SVIL: variants seen among roughly 807,000 people sequenced by gnomAD.
SVIL encodes the protein supervillin.
Under a neutral mutation model 240.4 loss-of-function variants are expected in SVIL, and 101 were observed. The ratio of observed to expected loss-of-function variants is 0.42; its 90% CI spans 0.36 to 0.50. SVIL has a LOEUF of 0.50. SVIL is among the 20% of genes least tolerant of loss of function. SVIL has a pLI of 0.01. For synonymous variants in SVIL, 999 were observed against 1,100.0 expected (o/e 0.91, Z 1.82); for missense variants, 2,512 against 2,818.7 (o/e 0.89, Z 2.46).
At chr10:29,483,339 T>C (rs1404138124) in intron 27 of SVIL, 1 of 152,242 alleles carries the variant, frequency 6.6e-6, no homozygotes, top group Non-Finnish European at 1.5e-5. Flanking sequence ...CAGCTGGAAC[T>C]GGGCTCAGTG....
intron 20 of SVIL, among the ~76,000 whole-genome samples, chr10:29,493,903 G>A (rs1948193923): frequency 6.6e-6 from 1 of 152,306 alleles, no homozygotes; most frequent in Non-Finnish European, 1.5e-5. Flanking sequence ...GGCTGGGCAT[G>A]GTGGCTTACG....
intron 29 of SVIL, among the ~76,000 whole-genome samples, chr10:29,476,298 T>C (rs1305370564): frequency 6.6e-6 from 1 of 152,268 alleles, no homozygotes; most frequent in Non-Finnish European, 1.5e-5. Flanking sequence ...TGAAATCTGT[T>C]AGCACTCAAA....
chr10:29,517,017 A>G (rs1950247910), intron 16 of SVIL, among the ~76,000 whole-genome samples: 1 of 152,220 alleles, frequency 6.6e-6, no homozygotes, highest in African/African-American at 2.4e-5. Context: ...AGGGATGAAC[A>G]GCACACTTAA....
chr10:29,620,274 GAAGAGGA>G (rs1005337583), intron 1 of SVIL, among the ~76,000 whole-genome samples: 10 of 151,452 alleles, frequency 6.6e-5, no homozygotes, highest in African/African-American at 2.4e-4. Context: ...AGGAAGAGAT[GAAGAGGA>G]AAGAGGAGAG....
chr10:29,538,282 C>G (rs6481613), intron 6 of SVIL, among the ~76,000 whole-genome samples: 81,936 of 152,038 alleles, frequency 0.54, 23,193 homozygotes, highest in African/African-American at 0.72. Context: ...AGAATGTTGG[C>G]TCAGCATTTA....
At chr10:29,581,130 A>G (rs1379710839) in intron 1 of SVIL, among the ~76,000 whole-genome samples, 1 of 152,246 alleles carries the variant, frequency 6.6e-6, no homozygotes, top group East Asian at 1.9e-4. Flanking sequence ...CAAAGTGAAG[A>G]ACATATTTTC....
At chr10:29,587,246 C>G (rs1271919110) in intron 1 of SVIL, among the ~76,000 whole-genome samples, 2 of 152,210 alleles carry the variant, frequency 1.3e-5, no homozygotes, top group African/African-American at 4.8e-5. Flanking sequence ...CATCACAGAG[C>G]ACTATCATTA....
chr10:29,587,019 T>C (rs1390906542), intron 1 of SVIL, among the ~76,000 whole-genome samples: 1 of 152,196 alleles, frequency 6.6e-6, no homozygotes, highest in African/African-American at 2.4e-5. Context: ...ATAACAAATC[T>C]GCACATGTAC....
chr10:29,655,949 T>C (rs938299607), intron 3 of SVIL, among the ~76,000 whole-genome samples: 1 of 150,002 alleles, frequency 6.7e-6, no homozygotes, highest in Non-Finnish European at 1.5e-5. Flanking sequence ...CTTGGCTCAC[T>C]GCAACCTTAG....
intron 1 of SVIL, among the ~76,000 whole-genome samples, chr10:29,603,549 T>C (rs183196636): frequency 1.2e-4 from 18 of 152,254 alleles, no homozygotes; most frequent in Admixed American, 7.8e-4. Context: ...GGCCAGACAG[T>C]TCATCTAATT....
intron 3 of SVIL, among the ~76,000 whole-genome samples, chr10:29,562,331 C>T (rs555714777): frequency 7.9e-5 from 12 of 152,324 alleles, no homozygotes; most frequent in African/African-American, 2.9e-4. Context: ...GACATTTTAC[C>T]GCATGTGCGC....
At chr10:29,677,979 G>A (rs1393450549) in intron 2 of SVIL, among the ~76,000 whole-genome samples, 1 of 152,100 alleles carries the variant, frequency 6.6e-6, no homozygotes, top group African/African-American at 2.4e-5. Context: ...TGTCTAAAAT[G>A]GGCAAATATC....
At chr10:29,537,421 C>A (rs945469014) in intron 6 of SVIL, among the ~76,000 whole-genome samples, 1 of 152,110 alleles carries the variant, frequency 6.6e-6, no homozygotes, top group African/African-American at 2.4e-5. Flanking sequence ...AGAATATGAA[C>A]GAGTAATTAT....
intron 1 of SVIL, among the ~76,000 whole-genome samples, chr10:29,697,173 G>A (rs1589534010): frequency 3.6e-5 from 3 of 82,318 alleles, no homozygotes; most frequent in Non-Finnish European, 5.0e-5. Context: ...CCGGCCAGCC[G>A]CCCCGTCCGG....
chr10:29,623,607 T>C (rs998192649), intron 1 of SVIL, among the ~76,000 whole-genome samples: 1 of 152,146 alleles, frequency 6.6e-6, no homozygotes, highest in African/African-American at 2.4e-5. Context: ...TCCCAGCACT[T>C]TAGGAGGCCA....
intron 1 of SVIL, among the ~76,000 whole-genome samples, chr10:29,694,289 T>G (rs1961753384): frequency 2.0e-5 from 3 of 149,622 alleles, no homozygotes; most frequent in South Asian, 4.2e-4. Flanking sequence ...AGCACATGCC[T>G]ATAGTCCAAG....
At chr10:29,658,584 G>A (rs1959072086) in intron 2 of SVIL, among the ~76,000 whole-genome samples, 1 of 152,132 alleles carries the variant, frequency 6.6e-6, no homozygotes, top group Admixed American at 6.5e-5. Context: ...GTGAAACCCT[G>A]TCTATACAAA....
chr10:29,702,143 C>T (rs1217243493), intron 1 of SVIL, among the ~76,000 whole-genome samples: 2 of 129,626 alleles, frequency 1.5e-5, no homozygotes, highest in Admixed American at 1.9e-4. Flanking sequence ...CCACTGCACT[C>T]CAGCCTGGGT....
intron 1 of SVIL, among the ~76,000 whole-genome samples, chr10:29,595,907 G>A (rs755047330): frequency 6.6e-6 from 1 of 152,172 alleles, no homozygotes; most frequent in Non-Finnish European, 1.5e-5. Flanking sequence ...GTAGTCTGTG[G>A]CCCCATCATT....
Sources: gnomAD v4.1 joint callset for allele counts (sites outside exome capture counted in the v4.1 genomes callset) on GRCh38, gnomAD v4.1.1 for gene constraint, MANE v1.5 for transcripts, NCBI Gene and HGNC (gene_info 2026-07-23, HGNC 2026-07-21) for gene names.